The following CARMIL3 variants were observed in gnomAD, a reference collection of about 807,000 sequenced individuals.
The protein encoded by CARMIL3 is capping protein regulator and myosin 1 linker 3.
In CARMIL3, 88 loss-of-function variants were observed where a neutral mutation model predicts 180.8. That is an observed-to-expected ratio of 0.49 (90% CI 0.41 to 0.58). CARMIL3 has a LOEUF of 0.58. CARMIL3 is among the 20% of genes least tolerant of loss of function. The probability of loss-of-function intolerance (pLI) is 0.00; values close to 1 mark genes in which losing one functional copy is unlikely to be tolerated. For synonymous variants in CARMIL3, 696 were observed against 714.5 expected, an observed-to-expected ratio of 0.97 and a Z score of 0.41; for missense variants, 1,548 against 1,787.0, an observed-to-expected ratio of 0.87 and a Z score of 2.41.
Position 24,062,899 on chromosome 14 carries a change from C to T in CARMIL3, c.2706+53C>T, listed in dbSNP as rs2035746812. ...TAATAACCTGGGCCCTGCCCTTAAA[C>T]CTGCACAACACTGTCCCCTTCCACT... On this transcript the variant is annotated intron_variant, in intron 29 of 39. Transcript: ENST00000342740. 5 of 1,568,908 alleles carry T rather than the reference C, an allele frequency of 3.2e-6. No individual in the cohort carries two copies. In the African/African-American group the frequency reaches 4.1e-5, roughly 13 times the overall value.
At chr14:24,055,380 G>T in intron 8 of CARMIL3, 70 bp downstream of exon 8, 1 of 1,567,356 alleles carries the variant, frequency 6.4e-7, no homozygotes, top group South Asian at 1.1e-5. Context: ...CTTCCCAGGA[G>T]TGCCCTTCTG....
intron 37 of CARMIL3, 23 bp downstream of exon 37, chr14:24,068,725 G>A (rs2035819677): frequency 3.1e-6 from 5 of 1,613,402 alleles, no homozygotes; most frequent in Non-Finnish European, 4.2e-6. Flanking sequence ...AAGATGGGTG[G>A]GGGAGGCACT....
chr14:24,068,451 G>A, intron 36 of CARMIL3, 133 bp from the exon 37 acceptor site: 1 of 651,380 alleles, frequency 1.5e-6, no homozygotes, highest in Non-Finnish European at 2.5e-6. Flanking sequence ...CACATGAAAG[G>A]CAGAGACATA....
Position 24,060,022 on chromosome 14 carries a change from T to A in CARMIL3, c.1921T>A (p.Tyr641Asn). ...SFPVSDISQAYRSAPERTEDV... is the reference protein window; with the variant it reads ...SFPVSDISQANRSAPERTEDV... ...CCCCGTGAGCGACATCTCCCAAGCC[T>A]ATCGCAGCGCGCCTGAGCGCACCGA... Residue 641 changes from tyrosine to asparagine, a missense_variant, in exon 23 of 40, where the codon TAT becomes AAT. Tyr to Asn is a moderately radical substitution (Grantham distance 143, BLOSUM62 -2). Around this residue, in one of 4 missense-constraint regions of CARMIL3, gnomAD observed 297 missense variants for 415.9 expected, o/e 0.71. Coordinates refer to ENST00000342740, the MANE Select transcript of CARMIL3 (RefSeq NM_138360.4). 6.2e-7 allele frequency: 1 copy of A among 1,614,012 alleles called. No individual in the cohort carries two copies. The highest frequency in any genetic ancestry group is 8.5e-7 in the Non-Finnish European group (1 of 1,180,038).
At position 24,059,538 on chromosome 14, in the gene CARMIL3, T is replaced by C; in HGVS notation, c.1799+96T>C. 1 of 1,514,854 alleles carries C rather than the reference T, an allele frequency of 6.6e-7. No individual in the cohort carries two copies. Among genetic ancestry groups the C allele is most frequent in the Non-Finnish European group, 8.9e-7 (1 of 1,117,556 alleles). The allele number at this position is 1,514,854 out of a possible 1,614,324, so 93.8% of individuals were successfully genotyped here. On this transcript the variant is annotated intron_variant, in intron 21 of 39. Coordinates refer to ENST00000342740, the MANE Select transcript of CARMIL3 (RefSeq NM_138360.4). The surrounding 1 kb of genome is among the most constrained non-coding windows in gnomAD (Gnocchi z 6.3). ...TTCCTTGATGCTCTGGACCCCAGCT[T>C]CCAGAAGACCCCCAGCCCCAGAACC...
rs749926699 is a variant in CARMIL3 at position 24,068,956 on chromosome 14, C to A, written c.3972C>A (p.Pro1324=). 1 of 1,560,342 alleles carries A rather than the reference C, an allele frequency of 6.4e-7. No individual in the cohort carries two copies. The highest frequency in any genetic ancestry group is 1.4e-5 in the African/African-American group (1 of 73,646). ...RLSSQQDQEE[P]EVQGPPDPGR... ...GCTCACAGCAAGACCAAGAGGAGCC[C>A]GAAGTCCAAGGTCTGCCACCCTGGC... Residue 1324 remains proline, a synonymous_variant, in exon 38 of 40, where the codon CCC becomes CCA. Coordinates refer to ENST00000342740, the MANE Select transcript of CARMIL3 (RefSeq NM_138360.4).
Position 24,053,779 on chromosome 14 carries a change from C to G in CARMIL3, c.111C>G (p.Pro37=), listed in dbSNP as rs752571412. The G allele has an allele frequency of 6.2e-6, 10 of 1,613,358 alleles. No homozygotes were observed. The highest frequency in any genetic ancestry group is 8.5e-6 in the Non-Finnish European group (10 of 1,179,716). ...QQHHVKLETK[P]KKFEDRVLAL... ...ATCATGTGAAGTTGGAGACAAAGCC[C>G]AAGAAGTTTGAGGACCGAGTGCTGG... Residue 37 remains proline (P), a synonymous_variant, in exon 2 of 40, where the codon CCC becomes CCG. Transcript: ENST00000342740.
chr14:24,068,172 G>A (rs1243827463), intron 36 of CARMIL3, among the ~76,000 whole-genome samples: 1 of 152,240 alleles, frequency 6.6e-6, no homozygotes, highest in African/African-American at 2.4e-5. Flanking sequence ...ACCGAGGTAG[G>A]TGGATCACTA....
At chr14:24,062,638 C>A in intron 28 of CARMIL3, 71 bp downstream of exon 28, 2 of 1,613,162 alleles carry the variant, frequency 1.2e-6, no homozygotes, top group Non-Finnish European at 1.7e-6. Flanking sequence ...TCTCCCTAAT[C>A]ACCCTCCCCT....
At chr14:24,069,020 C>A in intron 38 of CARMIL3, 54 bp downstream of exon 38, 1 of 1,557,778 alleles carries the variant, frequency 6.4e-7, no homozygotes, top group Non-Finnish European at 8.7e-7. Context: ...ACTTTGCTGT[C>A]CACATCAGGT....
chr14:24,068,612 C>T lies in CARMIL3; in HGVS notation c.3711C>T (p.Cys1237=). 1 of 1,613,676 alleles carries T rather than the reference C, an allele frequency of 6.2e-7. No individual in the cohort carries two copies. The highest frequency in any genetic ancestry group is 8.5e-7 in the Non-Finnish European group (1 of 1,179,798). Residue 1237 remains cysteine (C), a synonymous_variant, in exon 37 of 40, where the codon TGC becomes TGT. Transcript: ENST00000342740. ...IAEESAPNHS[C]QSPSPASQDG... is the part of the protein sequence containing the mutation. ...AAGAGAGTGCCCCCAACCACAGCTGCCAGAGTCCCAGCCCAGCCTCCCAAG... is the reference window on the plus strand; with the variant it reads ...AAGAGAGTGCCCCCAACCACAGCTGTCAGAGTCCCAGCCCAGCCTCCCAAG...
chr14:24,065,629 A>G lies in CARMIL3; in HGVS notation c.3404A>G (p.Glu1135Gly), dbSNP rs547439614. ...TAAGAGACCTTGTTCTAGGGCACTG[A>G]GGGGTCAGAGCCAGGGGAGGGGGGC... ...GPSFRRKMGT[E>G]GSEPGEGGPA... Residue 1135 changes from glutamate (E) to glycine (G), a missense_variant, in exon 34 of 40, where the codon GAG becomes GGG. Glu to Gly is a moderately conservative substitution (Grantham distance 98). Transcript: ENST00000342740. 1.2e-6 allele frequency: 2 copies of G among 1,611,062 alleles called. No homozygotes were observed. Among genetic ancestry groups the G allele is most frequent in the Non-Finnish European group, 1.7e-6 (2 of 1,178,744 alleles).
chr14:24,069,483 G>T lies in CARMIL3; in HGVS notation c.*79G>T. 6.3e-7 allele frequency: 1 copy of T among 1,586,102 alleles called. No homozygotes were observed. Among genetic ancestry groups the T allele is most frequent in the South Asian group, 1.1e-5 (1 of 89,492 alleles). ...ACCCCTATCCACCCCCAGTCCCCAG[G>T]GCCCCCTGCCAGCCCCTGTCCTACA... is the stretch of plus-strand genomic sequence containing the variant. On this transcript the variant is annotated 3_prime_UTR_variant, in exon 40 of 40. Coordinates refer to ENST00000342740, the MANE Select transcript of CARMIL3 (RefSeq NM_138360.4).
In CARMIL3 at chr14:24,065,066, C is replaced by A; in HGVS notation, c.3189C>A (p.Ser1063Arg). 1 of 1,600,938 alleles carries A rather than the reference C, an allele frequency of 6.2e-7. No homozygotes were observed. Among genetic ancestry groups the A allele is most frequent in the Non-Finnish European group, 8.5e-7 (1 of 1,175,506 alleles). Residue 1063 changes from serine (S) to arginine (R), a missense_variant, in exon 33 of 40, where the codon AGC becomes AGA. Physicochemically the swap from Ser to Arg is moderately radical, Grantham distance 110. Transcript: ENST00000342740. Reference sequence around the variant, plus strand: ...TGTTTCACTTTCGCCGGCCCCGGAGCTTCAAGGGGGACAGGGGGCCGGGGT... The same window carrying A: ...TGTTTCACTTTCGCCGGCCCCGGAGATTCAAGGGGGACAGGGGGCCGGGGT... Reference protein sequence around the residue: ...RGLFHFRRPRSFKGDRGPGSP... With the variant: ...RGLFHFRRPRRFKGDRGPGSP...
chr14:24,068,616 A>G lies in CARMIL3; in HGVS notation c.3715A>G (p.Ser1239Gly). Reference sequence around the variant, plus strand: ...GAGTGCCCCCAACCACAGCTGCCAGAGTCCCAGCCCAGCCTCCCAAGATGG... The same window carrying G: ...GAGTGCCCCCAACCACAGCTGCCAGGGTCCCAGCCCAGCCTCCCAAGATGG... ...EESAPNHSCQ[S>G]PSPASQDGEE... The change falls in exon 37 of 40, where the codon AGT (serine) becomes GGT (glycine). Residue 1239 changes from serine (S) to glycine (G), a missense_variant. Transcript: ENST00000342740. 1 of 1,613,822 alleles carries G rather than the reference A, an allele frequency of 6.2e-7. No individual in the cohort carries two copies. The highest frequency in any genetic ancestry group is 2.2e-5 in the East Asian group (1 of 44,876).
chr14:24,068,206 G>C (rs2035809435), intron 36 of CARMIL3, among the ~76,000 whole-genome samples: 1 of 152,182 alleles, frequency 6.6e-6, no homozygotes, highest in Non-Finnish European at 1.5e-5. Context: ...AGACAATCCT[G>C]GCCAACACGG....
Position 24,060,611 on chromosome 14 carries a change from C to T in CARMIL3, c.2062-17C>T. On this transcript the variant is annotated splice_polypyrimidine_tract_variant and intron_variant, in intron 24 of 39. Transcript: ENST00000342740. ...GGAAGCAGGGGTCCCCTTGACACCC[C>T]TGCCACTGTGCTCCAGATGCTGCAG... 1 of 1,612,554 alleles carries T rather than the reference C, an allele frequency of 6.2e-7. No individual in the cohort carries two copies. Among genetic ancestry groups the T allele is most frequent in the Non-Finnish European group, 8.5e-7 (1 of 1,179,274 alleles).
intron 36 of CARMIL3, among the ~76,000 whole-genome samples, chr14:24,068,126 C>T (rs1037293562): frequency 5.9e-5 from 9 of 152,200 alleles, no homozygotes; most frequent in South Asian, 2.1e-4. Context: ...AGACCGGGTG[C>T]GGTGGCTCAT....
In CARMIL3 at chr14:24,059,997, C is replaced by G; in HGVS notation, c.1896C>G (p.Phe632Leu). 1 of 1,614,026 alleles carries G rather than the reference C, an allele frequency of 6.2e-7. No individual in the cohort carries two copies. Among genetic ancestry groups the G allele is most frequent in the Non-Finnish European group, 8.5e-7 (1 of 1,180,026 alleles). ...ACCACACGCTGCGCTTCATGTCCTT[C>G]CCCGTGAGCGACATCTCCCAAGCCT... is the stretch of plus-strand genomic sequence containing the variant. ...ESNHTLRFMS[F>L]PVSDISQAYR... Residue 632 changes from phenylalanine to leucine, a missense_variant, in exon 23 of 40, where the codon TTC (phenylalanine) becomes TTG (leucine). Around this residue, in one of 4 missense-constraint regions of CARMIL3, gnomAD observed 297 missense variants for 415.9 expected, o/e 0.71. Coordinates refer to ENST00000342740, the MANE Select transcript of CARMIL3 (RefSeq NM_138360.4). This position sits in a 1 kb window ranked among gnomAD's most constrained non-coding sequence, Gnocchi z 6.3.
Sources: gnomAD v4.1 joint callset for allele counts (sites outside exome capture counted in the v4.1 genomes callset) on GRCh38, gnomAD v4.1.1 for gene constraint, gnomAD v4.1.1 regional missense constraint, Gnocchi (gnomAD v3.1) non-coding constraint, MANE v1.5 for transcripts, NCBI Gene and HGNC (gene_info 2026-07-23, HGNC 2026-07-21) for gene names.